Variants in SDK2 observed in about 807,000 individuals in gnomAD.
SDK2 encodes sidekick cell adhesion molecule 2.
SDK2 carries 105 observed loss-of-function variants against 253.9 expected under a neutral mutation model. The observed-to-expected ratio is 0.41, with a 90% confidence interval of 0.35 to 0.49. The LOEUF is 0.49. Ranked by LOEUF, SDK2 falls within the 20% of genes least tolerant of loss-of-function variation. The pLI is 0.06. For synonymous variants in SDK2, 1,249 were observed against 1,234.9 expected (o/e 1.01, Z -0.24); for missense variants, 2,608 against 3,003.0 (o/e 0.87, Z 3.07).
At chr17:73,619,476 A>G (rs892923261) in intron 1 of SDK2, among the ~76,000 whole-genome samples, 1 of 152,196 alleles carries the variant, frequency 6.6e-6, no homozygotes, top group Admixed American at 6.5e-5. Context: ...GTTGTCAGGA[A>G]ACTCAATGGG....
At chr17:73,577,791 G>A (rs2045477331) in intron 1 of SDK2, among the ~76,000 whole-genome samples, 1 of 152,170 alleles carries the variant, frequency 6.6e-6, no homozygotes, top group South Asian at 2.1e-4. Flanking sequence ...CACCTCCATA[G>A]AAGTCCATGC....
Position 73,383,747 on chromosome 17 carries a change from G to A in SDK2, c.4705+129C>T. 1 of 1,067,440 alleles carries A rather than the reference G, an allele frequency of 9.4e-7. No homozygotes were observed. Among genetic ancestry groups the A allele is most frequent in the South Asian group, 1.5e-5 (1 of 65,586 alleles). The allele number at this position is 1,067,440 out of a possible 1,614,324, so 66.1% of individuals were successfully genotyped here. ...AATGAATGGGATGGGAGGAGGGAGAGGCACACATGGAGGAGGGAGGCAAGG... is the reference window on the plus strand; with the variant it reads ...AATGAATGGGATGGGAGGAGGGAGAAGCACACATGGAGGAGGGAGGCAAGG... On this transcript the variant is annotated intron_variant, in intron 33 of 44. Coordinates refer to ENST00000392650, the MANE Select transcript of SDK2 (RefSeq NM_001144952.2). The surrounding 1 kb of genome is among the most constrained non-coding windows in gnomAD (Gnocchi z 4.3).
rs148501348 is a variant in SDK2 at position 73,581,556 on chromosome 17, G to A, written c.64+62469C>T. Among the ~76,000 whole-genome samples, 234 of 152,338 alleles carry A rather than the reference G, an allele frequency of 1.5e-3. 3 individuals carry two copies. Among genetic ancestry groups the A allele is most frequent in the African/African-American group, 4.3e-3 (177 of 41,562 alleles). Reference sequence around the variant, plus strand: ...CTTTTAGGCCCTGACAGCAGTGGGCGCTGAGCTGTGACCTCTCTCTGCAGG... The same window carrying A: ...CTTTTAGGCCCTGACAGCAGTGGGCACTGAGCTGTGACCTCTCTCTGCAGG... On this transcript the variant is annotated intron_variant, in intron 1 of 44. Transcript: ENST00000392650.
At chr17:73,436,446 G>A (rs1460290684) in intron 8 of SDK2, among the ~76,000 whole-genome samples, 2 of 151,892 alleles carry the variant, frequency 1.3e-5, no homozygotes, top group Non-Finnish European at 2.9e-5. Context: ...GTGTGCTGAT[G>A]CATGCCTGTA....
At chr17:73,397,593 C>G (rs1184059469) in intron 24 of SDK2, among the ~76,000 whole-genome samples, 2 of 152,134 alleles carry the variant, frequency 1.3e-5, no homozygotes, top group African/African-American at 4.8e-5. Context: ...TGCAGGATGG[C>G]CCACGGTCAG....
chr17:73,580,628 G>T (rs1345873836), intron 1 of SDK2, among the ~76,000 whole-genome samples: 1 of 152,244 alleles, frequency 6.6e-6, no homozygotes, highest in East Asian at 1.9e-4. Context: ...CTTCATCTTT[G>T]AACTTGTGCT....
Position 73,578,849 on chromosome 17 carries a change from C to T in SDK2, c.64+65176G>A, listed in dbSNP as rs375698682. On this transcript the variant is annotated intron_variant, in intron 1 of 44. Transcript: ENST00000392650. ...CCCCACTTCCCATTCGAAGCTTCAT[C>T]CCTGGGTTGTCACAGGTTGCCTGAG... Among the ~76,000 whole-genome samples, 12 of 152,286 alleles carry T rather than the reference C, an allele frequency of 7.9e-5. 1 individual carries two copies. The highest frequency in any genetic ancestry group is 2.9e-4 in the African/African-American group (12 of 41,560).
At position 73,391,215 on chromosome 17, in the gene SDK2, A is replaced by T. The variant is rs560989904; in HGVS notation, c.3997+225T>A. The stretch of plus-strand genomic sequence containing the variant: ...TGGGGACATTTGGGGACGCAAAGCC[A>T]ACCCATGACTCTTAAGGGACTTCAA... On this transcript the variant is annotated intron_variant, in intron 28 of 44. Transcript: ENST00000392650. 2.6e-5 allele frequency among the ~76,000 whole-genome samples: 4 copies of T among 152,320 alleles called. No individual in the cohort carries two copies. The East Asian group carries it at 7.7e-4, about 29-fold the overall frequency.
At chr17:73,411,345 C>T (rs2047464) in intron 18 of SDK2, among the ~76,000 whole-genome samples, 5,284 of 152,256 alleles carry the variant, frequency 0.035, 204 homozygotes, top group East Asian at 0.15. Flanking sequence ...GCTAAGGCAG[C>T]GAGTCCTAGA....
intron 29 of SDK2, 36 bp from the exon 30 acceptor site, chr17:73,388,073 G>A (rs751242430): frequency 6.7e-7 from 1 of 1,492,930 alleles, no homozygotes; most frequent in Admixed American, 2.0e-5. Flanking sequence ...CAGGTGAGTG[G>A]GCCAGGCCAT....
In SDK2 at chr17:73,615,904, TAC is replaced by T. The variant is rs377186599; in HGVS notation, c.64+28119_64+28120del. 2.1e-3 allele frequency among the ~76,000 whole-genome samples: 317 copies of T among 152,280 alleles called. 1 individual carries two copies. Among genetic ancestry groups the T allele is most frequent in the African/African-American group, 6.7e-3 (278 of 41,534 alleles). The stretch of plus-strand genomic sequence containing the variant: ...ATGTGCATTCACACATACATATATG[TAC>T]ACACAGTCACATACATATATACACA... On this transcript the variant is annotated intron_variant, in intron 1 of 44. Transcript: ENST00000392650.
chr17:73,389,906 C>T (rs553663994), intron 29 of SDK2, among the ~76,000 whole-genome samples: 30 of 152,242 alleles, frequency 2.0e-4, no homozygotes, highest in African/African-American at 6.7e-4. Context: ...TGTGCCACCA[C>T]GCTGGCTAAT....
intron 5 of SDK2, among the ~76,000 whole-genome samples, chr17:73,441,958 T>C (rs1245856821): frequency 6.6e-6 from 1 of 152,120 alleles, no homozygotes; most frequent in Non-Finnish European, 1.5e-5. Context: ...CCAATGAGGG[T>C]CCCAAGGAAA....
At chr17:73,521,026 C>G (rs2145785738) in intron 1 of SDK2, 1 of 140,626 alleles carries the variant, frequency 7.1e-6, no homozygotes, top group South Asian at 2.3e-4. Flanking sequence ...GAATTGCTCA[C>G]TTGAAAATGA....
chr17:73,428,210 A>T (rs2063298306), intron 12 of SDK2, among the ~76,000 whole-genome samples: 1 of 152,128 alleles, frequency 6.6e-6, no homozygotes, highest in Non-Finnish European at 1.5e-5. Context: ...TAATCCTAGC[A>T]CTTTGGGAGG....
intron 15 of SDK2, 104 bp downstream of exon 15, chr17:73,422,182 AG>A: frequency 7.8e-7 from 1 of 1,286,180 alleles, no homozygotes; most frequent in Non-Finnish European, 1.1e-6. Context: ...GGAAGCCTAG[AG>A]GGGGCCAGGA....
Position 73,431,569 on chromosome 17 carries a change from C to G in SDK2, c.1413G>C (p.Gly471=). The change falls in exon 11 of 45, where the codon GGG becomes GGC. Residue 471 remains glycine, a synonymous_variant. Transcript: ENST00000392650. This position sits in a 1 kb window ranked among gnomAD's most constrained non-coding sequence, Gnocchi z 5.6. The stretch of plus-strand genomic sequence containing the variant: ...AGTTGGTGGCCAGGCAGGTGTAGGT[C>G]CCCGCATCGGAGATGTGTGTGGGGC... ...LISPTHISDA[G]TYTCLATNSR... 1 of 1,613,648 alleles carries G rather than the reference C, an allele frequency of 6.2e-7. No individual in the cohort carries two copies.
At chr17:73,389,386 G>A (rs1010609410) in intron 29 of SDK2, among the ~76,000 whole-genome samples, 38 of 151,946 alleles carry the variant, frequency 2.5e-4, no homozygotes, top group South Asian at 4.2e-4. Context: ...GTTTCACCAC[G>A]TTGGCCAGGA....
At position 73,415,890 on chromosome 17, in the gene SDK2, G is replaced by A. The variant is rs76352587; in HGVS notation, c.2289C>T (p.Tyr763=). Residue 763 remains tyrosine (Y), a synonymous_variant, in exon 17 of 45, where the codon TAC becomes TAT. Coordinates refer to ENST00000392650, the MANE Select transcript of SDK2 (RefSeq NM_001144952.2). ...TGTTGTAAGCAGCCACCTCGATCTCGTAGTTGGTCCAAATGATGAGATCCT... is the reference window on the plus strand; with the variant it reads ...TGTTGTAAGCAGCCACCTCGATCTCATAGTTGGTCCAAATGATGAGATCCT... ...LLEDLIIWTN[Y]EIEVAAYNSA... is the part of the protein sequence containing the mutation. 3.6e-3 allele frequency: 5,751 copies of A among 1,598,774 alleles called. 188 individuals carry two copies. The Admixed American group carries it at 0.063, about 18-fold the overall frequency.
Sources: allele counts gnomAD v4.1 joint callset (sites outside exome capture counted in the v4.1 genomes callset), GRCh38; gene constraint gnomAD v4.1.1; non-coding constraint Gnocchi (gnomAD v3.1); transcripts MANE v1.5; gene names NCBI Gene and HGNC (gene_info 2026-07-23, HGNC 2026-07-21).